Variants in MALRD1 observed in about 807,000 individuals in gnomAD.
The protein encoded by MALRD1 is MAM and LDL receptor class A domain containing 1.
Under a neutral mutation model 242.1 loss-of-function variants are expected in MALRD1, and 247 were observed. The observed-to-expected ratio is 1.02, with a 90% confidence interval of 0.92 to 1.13. MALRD1 has a LOEUF of 1.13. Among genes scored for constraint, MALRD1 ranks in the 50% most tolerant of loss-of-function variants. MALRD1 has a pLI of 0.00. For missense variants in MALRD1, 2,989 were observed against 2,533.1 expected (o/e 1.18, Z -3.86); for synonymous variants, 995 against 866.6 (o/e 1.15, Z -2.60).
At chr10:19,114,139 A>G (rs1345373341) in intron 5 of MALRD1, among the ~76,000 whole-genome samples, 1 of 152,220 alleles carries the variant, frequency 6.6e-6, no homozygotes, top group Non-Finnish European at 1.5e-5. Context: ...TGCTAAGAAT[A>G]TTATATTATT....
In MALRD1 at chr10:19,182,324, A is replaced by ATTTT. The variant is rs34790120; in HGVS notation, c.1951+7017_1951+7020dup. Reference sequence around the variant, plus strand: ...AACACAGTCTGCCTCCAAAACCTACATTTTTTTTTTTTTTTTTTTTTTTTG... The same window carrying ATTTT: ...AACACAGTCTGCCTCCAAAACCTACATTTTTTTTTTTTTTTTTTTTTTTTTTTTG... On this transcript the variant is annotated intron_variant, in intron 14 of 39. Transcript: ENST00000454679. Among the ~76,000 whole-genome samples, 290 of 81,956 alleles carry ATTTT rather than the reference A, an allele frequency of 3.5e-3. 14 individuals are homozygous for ATTTT. The highest frequency in any genetic ancestry group is 5.7e-3 in the African/African-American group (117 of 20,362). 53.8% of individuals were successfully genotyped at this position (81,956 alleles called of 152,430 possible).
chr10:19,588,652 A>G (rs748686326), intron 33 of MALRD1, among the ~76,000 whole-genome samples: 1 of 152,074 alleles, frequency 6.6e-6, no homozygotes. Flanking sequence ...TTATTTACTC[A>G]TGTATGTAGA....
intron 36 of MALRD1, among the ~76,000 whole-genome samples, chr10:19,660,641 T>C (rs1350288443): frequency 6.6e-6 from 1 of 152,146 alleles, no homozygotes; most frequent in African/African-American, 2.4e-5. Flanking sequence ...AAAGAGCGAT[T>C]GTCATCACTT....
intron 36 of MALRD1, among the ~76,000 whole-genome samples, chr10:19,622,608 G>A (rs189982428): frequency 1.8e-3 from 268 of 149,862 alleles, no homozygotes; most frequent in African/African-American, 6.4e-3. Flanking sequence ...TATTGCATTC[G>A]TATGGAGAAA....
intron 31 of MALRD1, among the ~76,000 whole-genome samples, chr10:19,509,244 C>G (rs1187020177): frequency 6.6e-6 from 1 of 152,142 alleles, no homozygotes; most frequent in Non-Finnish European, 1.5e-5. Flanking sequence ...GAGAGCTCCA[C>G]CCTTCAGTGT....
intron 29 of MALRD1, among the ~76,000 whole-genome samples, chr10:19,470,733 G>A (rs1366215295): frequency 6.6e-6 from 1 of 151,290 alleles, no homozygotes; most frequent in Admixed American, 6.6e-5. Flanking sequence ...TGTCTTTTTT[G>A]GGAAAATGTC....
At chr10:19,126,772 A>C (rs1208007923) in intron 7 of MALRD1, among the ~76,000 whole-genome samples, 1 of 151,634 alleles carries the variant, frequency 6.6e-6, no homozygotes, top group Non-Finnish European at 1.5e-5. Context: ...ATTTTATTTA[A>C]GTTCCAGGCT....
At chr10:19,625,454 T>C (rs1839610853) in intron 36 of MALRD1, among the ~76,000 whole-genome samples, 1 of 152,022 alleles carries the variant, frequency 6.6e-6, no homozygotes, top group South Asian at 2.1e-4. Flanking sequence ...ATGTAGAATA[T>C]CCTCTCTAGA....
At chr10:19,437,528 G>A (rs1460814718) in intron 28 of MALRD1, among the ~76,000 whole-genome samples, 1 of 151,240 alleles carries the variant, frequency 6.6e-6, no homozygotes, top group Admixed American at 6.6e-5. Context: ...TTTTGTTATT[G>A]TTTCTCCTCA....
intron 38 of MALRD1, among the ~76,000 whole-genome samples, chr10:19,706,032 A>G (rs1456151939): frequency 6.6e-6 from 1 of 152,170 alleles, no homozygotes; most frequent in Non-Finnish European, 1.5e-5. Context: ...AGCTTCCAGT[A>G]TTGAAAGATA....
At position 19,540,519 on chromosome 10, in the gene MALRD1, G is replaced by A. The variant is rs148449252; in HGVS notation, c.5478+9168G>A. 2.2e-3 allele frequency among the ~76,000 whole-genome samples: 332 copies of A among 152,284 alleles called. 1 individual carries two copies. The highest frequency in any genetic ancestry group is 7.3e-3 in the African/African-American group (305 of 41,560). The stretch of plus-strand genomic sequence containing the variant: ...GAGTTTCTAATAATAGAGGAAATGC[G>A]TTGATACTTATATTCACTTAATCAG... On this transcript the variant is annotated intron_variant, in intron 32 of 39. Transcript: ENST00000454679.
At chr10:19,700,268 C>A (rs566302414) in intron 38 of MALRD1, among the ~76,000 whole-genome samples, 6 of 152,246 alleles carry the variant, frequency 3.9e-5, no homozygotes, top group Admixed American at 3.3e-4. Context: ...GAGGGGCATG[C>A]TTCAGAGCCA....
At chr10:19,271,110 A>G (rs1470336241) in intron 19 of MALRD1, among the ~76,000 whole-genome samples, 2 of 152,190 alleles carry the variant, frequency 1.3e-5, no homozygotes, top group Non-Finnish European at 2.9e-5. Flanking sequence ...ATACCCCGTA[A>G]CCAAGCAATT....
chr10:19,716,586 A>G (rs1360100382), intron 38 of MALRD1, among the ~76,000 whole-genome samples: 1 of 152,236 alleles, frequency 6.6e-6, no homozygotes, highest in South Asian at 2.1e-4. Flanking sequence ...CAGGTATTTC[A>G]TCATAGCAAT....
intron 11 of MALRD1, 38 bp downstream of exon 11, chr10:19,146,382 T>C: frequency 1.6e-6 from 2 of 1,213,806 alleles, no homozygotes; most frequent in Non-Finnish European, 2.1e-6. Flanking sequence ...ATAGTTTTCT[T>C]TCTTGCATGT....
At chr10:19,660,625 G>A (rs1435716184) in intron 36 of MALRD1, among the ~76,000 whole-genome samples, 2 of 152,134 alleles carry the variant, frequency 1.3e-5, no homozygotes, top group Admixed American at 1.3e-4. Context: ...ACTTGCTTTT[G>A]AGAGTAAAGA....
intron 34 of MALRD1, among the ~76,000 whole-genome samples, chr10:19,606,491 A>G (rs772132082): frequency 9.2e-5 from 14 of 152,258 alleles, no homozygotes; most frequent in South Asian, 4.1e-4. Flanking sequence ...GAACCCTGGT[A>G]CTCAGAGGAG....
intron 21 of MALRD1, among the ~76,000 whole-genome samples, chr10:19,320,769 T>A (rs1226372790): frequency 6.6e-6 from 1 of 152,180 alleles, no homozygotes; most frequent in Non-Finnish European, 1.5e-5. Context: ...ATCACCATTT[T>A]AACTGGCATG....
intron 28 of MALRD1, among the ~76,000 whole-genome samples, chr10:19,437,711 A>C (rs147537017): frequency 2.0e-3 from 308 of 152,240 alleles, no homozygotes; most frequent in Middle Eastern, 6.8e-3. Context: ...CTAGCTGCTG[A>C]TAAGGGCTGA....
Sources: allele counts gnomAD v4.1 joint callset (sites outside exome capture counted in the v4.1 genomes callset), GRCh38; gene constraint gnomAD v4.1.1; transcripts MANE v1.5; gene names NCBI Gene and HGNC (gene_info 2026-07-23, HGNC 2026-07-21).